Variants in SORCS2 observed in about 807,000 individuals in gnomAD.
SORCS2 encodes VPS10 domain-containing receptor SorCS2.
In SORCS2, 100 loss-of-function variants were observed where a neutral mutation model predicts 141.6. The ratio of observed to expected loss-of-function variants is 0.71; its 90% CI spans 0.60 to 0.83. The LOEUF is 0.83. Among genes scored for constraint, SORCS2 ranks in the 40% least tolerant of loss-of-function variants. SORCS2 has a pLI of 0.00. For synonymous variants in SORCS2, 789 were observed against 676.9 expected, an observed-to-expected ratio of 1.17 and a Z score of -2.57; for missense variants, 1,646 against 1,560.2, an observed-to-expected ratio of 1.05 and a Z score of -0.93.
At chr4:7,383,892 A>G (rs1007418290) in intron 1 of SORCS2, among the ~76,000 whole-genome samples, 28 of 152,230 alleles carry the variant, frequency 1.8e-4, no homozygotes, top group African/African-American at 6.5e-4. Context: ...GGAAAAGTCT[A>G]CCAAGACCCA....
intron 4 of SORCS2, among the ~76,000 whole-genome samples, chr4:7,642,119 C>T (rs1277079452): frequency 3.9e-5 from 6 of 152,186 alleles, no homozygotes. Context: ...GGTCAGGGAC[C>T]TCCAAATGGA....
intron 2 of SORCS2, among the ~76,000 whole-genome samples, chr4:7,461,147 G>A (rs1577602920): frequency 1.3e-5 from 2 of 151,232 alleles, no homozygotes; most frequent in East Asian, 3.9e-4. Flanking sequence ...GATTCGATCA[G>A]TGATGAGCTC....
In SORCS2 at chr4:7,697,304, C is replaced by T. The variant is rs747935908; in HGVS notation, c.1668+30C>T. On this transcript the variant is annotated intron_variant, in intron 12 of 26. Coordinates refer to ENST00000507866, the MANE Select transcript of SORCS2 (RefSeq NM_020777.3). The stretch of plus-strand genomic sequence containing the variant: ...GCTGGCTGGGAGGTGCCTGGTACCC[C>T]CCACCCCATCCAGCCGGGACCCTCA... 2.8e-4 allele frequency: 440 copies of T among 1,545,580 alleles called. 1 individual carries two copies. Among genetic ancestry groups the T allele is most frequent in the Non-Finnish European group, 2.6e-4 (297 of 1,139,454 alleles).
At chr4:7,634,567 A>G (rs1720115520) in intron 3 of SORCS2, among the ~76,000 whole-genome samples, 1 of 152,252 alleles carries the variant, frequency 6.6e-6, no homozygotes, top group South Asian at 2.1e-4. Flanking sequence ...AAATGATTGA[A>G]TGAGTAAACA....
chr4:7,424,823 G>A (rs1216058602), intron 2 of SORCS2, among the ~76,000 whole-genome samples: 1 of 152,220 alleles, frequency 6.6e-6, no homozygotes, highest in Non-Finnish European at 1.5e-5. Context: ...AAGGAAGGCT[G>A]CCCAGTGAGT....
intron 11 of SORCS2, among the ~76,000 whole-genome samples, 164 bp from the exon 12 acceptor site, chr4:7,697,034 C>A (rs888441261): frequency 6.6e-6 from 1 of 152,200 alleles, no homozygotes; most frequent in South Asian, 2.1e-4. Context: ...ACTGCATAGA[C>A]CCAGACCCAG....
At chr4:7,284,271 G>A (rs1288786164) in intron 1 of SORCS2, among the ~76,000 whole-genome samples, 1 of 152,184 alleles carries the variant, frequency 6.6e-6, no homozygotes, top group African/African-American at 2.4e-5. Flanking sequence ...AGTCTGGGAG[G>A]TGTGAAGGGA....
At chr4:7,452,736 A>G (rs541039653) in intron 2 of SORCS2, among the ~76,000 whole-genome samples, 112 of 152,326 alleles carry the variant, frequency 7.4e-4, no homozygotes, top group African/African-American at 2.5e-3. Context: ...AGCTCCTAGG[A>G]TTGCCGGAAA....
At chr4:7,378,364 A>C (rs1342059615) in intron 1 of SORCS2, among the ~76,000 whole-genome samples, 1 of 151,808 alleles carries the variant, frequency 6.6e-6, no homozygotes, top group African/African-American at 2.4e-5. Flanking sequence ...GAGACTGGGT[A>C]ATTTATAAAG....
At chr4:7,486,563 C>T (rs12504567) in intron 2 of SORCS2, among the ~76,000 whole-genome samples, 80,242 of 152,092 alleles carry the variant, frequency 0.53, 21,185 homozygotes, top group African/African-American at 0.56. Flanking sequence ...GTGGAGCCTG[C>T]GGTAGCTTCC....
chr4:7,702,809 G>A (rs1220484412), intron 12 of SORCS2, among the ~76,000 whole-genome samples: 1 of 152,254 alleles, frequency 6.6e-6, no homozygotes, highest in East Asian at 1.9e-4. Context: ...GTTGGGCCAG[G>A]GGCTTGGAGC....
intron 2 of SORCS2, chr4:7,433,691 T>A: frequency 6.2e-7 from 1 of 1,612,604 alleles, no homozygotes; most frequent in African/African-American, 1.3e-5. Flanking sequence ...TTGCACCCAT[T>A]GCAGAAGCTG....
intron 1 of SORCS2, among the ~76,000 whole-genome samples, chr4:7,202,246 C>T (rs542667451): frequency 5.9e-5 from 9 of 152,236 alleles, no homozygotes; most frequent in East Asian, 1.9e-4. Flanking sequence ...CCTCATGACT[C>T]GGGACCGCTT....
intron 3 of SORCS2, among the ~76,000 whole-genome samples, chr4:7,614,068 C>T (rs905146126): frequency 6.6e-6 from 1 of 151,832 alleles, no homozygotes; most frequent in African/African-American, 2.4e-5. Flanking sequence ...TATCCACCAA[C>T]CACGATCCAT....
chr4:7,312,533 C>G (rs1485290811), intron 1 of SORCS2, among the ~76,000 whole-genome samples: 1 of 152,206 alleles, frequency 6.6e-6, no homozygotes, highest in African/African-American at 2.4e-5. Context: ...TTAGCAAGGC[C>G]TGGAGCTTCT....
At chr4:7,480,018 T>C (rs1236161238) in intron 2 of SORCS2, among the ~76,000 whole-genome samples, 2 of 152,236 alleles carry the variant, frequency 1.3e-5, no homozygotes, top group African/African-American at 2.4e-5. Flanking sequence ...CTTAGGCACC[T>C]GCCAGCCTCG....
intron 2 of SORCS2, among the ~76,000 whole-genome samples, chr4:7,411,969 G>T (rs1245206477): frequency 1.3e-5 from 2 of 152,328 alleles, no homozygotes; most frequent in East Asian, 1.9e-4. Flanking sequence ...TCCCAGCCCA[G>T]CACACCCCCA....
Position 7,193,168 on chromosome 4 carries a change from CACCGCGGGACACCCGGGCGGG to C in SORCS2, c.480+48_480+68del. The C allele has an allele frequency of 6.9e-7, 1 of 1,447,542 alleles. No homozygotes were observed. Among genetic ancestry groups the C allele is most frequent in the Non-Finnish European group, 9.1e-7 (1 of 1,104,824 alleles). 89.7% of individuals were successfully genotyped at this position (1,447,542 alleles called of 1,614,324 possible). ...CGCTCGCCGCGGCCCCTACCCGGGA[CACCGCGGGACACCCGGGCGGG>C]ACCGCCACGGCCCCCACCCCAGATC... is the stretch of plus-strand genomic sequence containing the variant. On this transcript the variant is annotated intron_variant, in intron 1 of 26. Coordinates refer to ENST00000507866, the MANE Select transcript of SORCS2 (RefSeq NM_020777.3). This position sits in a 1 kb window ranked among gnomAD's most constrained non-coding sequence, Gnocchi z 4.8.
chr4:7,528,062 TC>T (rs72253858), intron 2 of SORCS2, among the ~76,000 whole-genome samples: 3,176 of 150,670 alleles, frequency 0.021, 116 homozygotes, highest in African/African-American at 0.074. Context: ...TGTCTCTCTC[TC>T]CCCCCAACAC....
Sources: gnomAD v4.1 joint callset for allele counts (sites outside exome capture counted in the v4.1 genomes callset) on GRCh38, gnomAD v4.1.1 for gene constraint, Gnocchi (gnomAD v3.1) non-coding constraint, MANE v1.5 for transcripts, NCBI Gene and HGNC (gene_info 2026-07-23, HGNC 2026-07-21) for gene names.